The following LOXHD1 variants were observed in gnomAD, a reference collection of about 807,000 sequenced individuals.
LOXHD1 encodes lipoxygenase homology PLAT domains 1.
LOXHD1 carries 205 observed loss-of-function variants against 248.2 expected under a neutral mutation model. That is an observed-to-expected ratio of 0.83 (90% CI 0.74 to 0.93). LOXHD1 has a LOEUF of 0.93. LOXHD1 is among the 40% of genes least tolerant of loss of function. The probability of loss-of-function intolerance (pLI) is 0.00; values close to 1 mark genes in which losing one functional copy is unlikely to be tolerated. For missense variants in LOXHD1, 2,930 were observed against 2,971.6 expected (o/e 0.99, Z 0.33); for synonymous variants, 1,113 against 1,162.8 (o/e 0.96, Z 0.87).
At chr18:46,564,786 T>A (rs2144048395) in intron 17 of LOXHD1, among the ~76,000 whole-genome samples, 1 of 152,278 alleles carries the variant, frequency 6.6e-6, no homozygotes, top group Admixed American at 6.5e-5. Context: ...GCAAGTGCCA[T>A]TACAAAGCGT....
intron 34 of LOXHD1, among the ~76,000 whole-genome samples, chr18:46,516,802 A>T (rs1033757102): frequency 6.6e-6 from 1 of 151,856 alleles, no homozygotes; most frequent in Admixed American, 6.6e-5. Context: ...CTTCACCCCT[A>T]TTACCACCAC....
rs376185181 is a variant in LOXHD1, at chr18:46,509,453, G to C, written c.5517+245C>G. The C allele has an allele frequency of 9.6e-6, 5 of 522,978 alleles. No individual in the cohort carries two copies. In the East Asian group the frequency reaches 1.4e-4, roughly 15 times the overall value. The allele number at this position is 522,978 out of a possible 1,614,324, so 32.4% of individuals were successfully genotyped here. ...TCCCCTTTCTCAGGTCTCTGTCCACGTAACGTTGACAGCTCTTGTTTAATT... is the reference window on the plus strand; with the variant it reads ...TCCCCTTTCTCAGGTCTCTGTCCACCTAACGTTGACAGCTCTTGTTTAATT... On this transcript the variant is annotated intron_variant, in intron 35 of 40. Coordinates refer to ENST00000642948, the MANE Select transcript of LOXHD1 (RefSeq NM_001384474.1).
intron 12 of LOXHD1, among the ~76,000 whole-genome samples, chr18:46,586,377 C>T (rs958920384): frequency 7.2e-5 from 11 of 152,278 alleles, no homozygotes; most frequent in African/African-American, 2.6e-4. Context: ...TTGACTTGTA[C>T]ACTTTAAATG....
chr18:46,560,320 T>C lies in LOXHD1; in HGVS notation c.2824A>G (p.Lys942Glu). 1 of 1,547,334 alleles carries C rather than the reference T, an allele frequency of 6.5e-7. No homozygotes were observed. The highest frequency in any genetic ancestry group is 2.5e-5 in the East Asian group (1 of 40,800). Reference sequence around the variant, plus strand: ...TCCTCTTCGTCGCTGCCCTTCCTCTTCTTCTTCTTCCTCTGCAGCTTGGCC... The same window carrying C: ...TCCTCTTCGTCGCTGCCCTTCCTCTCCTTCTTCTTCCTCTGCAGCTTGGCC... ...LKAKLQRKKK[K>E]RKGSDEEDEG... Residue 942 changes from lysine to glutamate, a missense_variant, in exon 19 of 41, where the codon AAG becomes GAG. Lys to Glu is a moderately conservative substitution (Grantham distance 56). Coordinates refer to ENST00000642948, the MANE Select transcript of LOXHD1 (RefSeq NM_001384474.1).
chr18:46,600,954 G>A (rs1199582435), intron 8 of LOXHD1, among the ~76,000 whole-genome samples: 1 of 152,134 alleles, frequency 6.6e-6, no homozygotes, highest in Non-Finnish European at 1.5e-5. Flanking sequence ...CAGGAATCAG[G>A]ATAATCATAA....
intron 5 of LOXHD1, among the ~76,000 whole-genome samples, chr18:46,616,554 AT>A (rs1222994749): frequency 2.0e-5 from 3 of 152,050 alleles, no homozygotes; most frequent in Non-Finnish European, 4.4e-5. Flanking sequence ...ATAGTTATCC[AT>A]TTTTGCTCAC....
chr18:46,514,829 C>A (rs1052331790), intron 34 of LOXHD1, among the ~76,000 whole-genome samples: 1 of 152,186 alleles, frequency 6.6e-6, no homozygotes, highest in African/African-American at 2.4e-5. Flanking sequence ...AGGCATGACC[C>A]CTCATAGGCA....
At chr18:46,485,942 C>T (rs1260411749) in intron 38 of LOXHD1, among the ~76,000 whole-genome samples, 1 of 151,924 alleles carries the variant, frequency 6.6e-6, no homozygotes, top group Non-Finnish European at 1.5e-5. Context: ...GCAATGCTGT[C>T]CTTCTGCCTG....
At chr18:46,559,003 C>T in intron 20 of LOXHD1, 1 of 563,906 alleles carries the variant, frequency 1.8e-6, no homozygotes, top group Non-Finnish European at 3.0e-6. Context: ...ACCTCCATAT[C>T]TTTGCTCATG....
Position 46,601,324 on chromosome 18 carries a change from G to A in LOXHD1, c.1027C>T (p.Arg343Cys), listed in dbSNP as rs1294424921. 8 of 1,551,526 alleles carry A rather than the reference G, an allele frequency of 5.2e-6. No individual in the cohort carries two copies. The highest frequency in any genetic ancestry group is 2.4e-5 in the East Asian group (1 of 40,926). Reference protein sequence around the residue: ...FLEGGVFDRGRTDIFHIELAV... With the variant: ...FLEGGVFDRGCTDIFHIELAV... Reference sequence around the variant, plus strand: ...AGCTCGATGTGGAAGATGTCCGTGCGGCCTCGGTCAAACACGCCGCCCTCC... The same window carrying A: ...AGCTCGATGTGGAAGATGTCCGTGCAGCCTCGGTCAAACACGCCGCCCTCC... Residue 343 changes from arginine to cysteine, a missense_variant, in exon 8 of 41, where the codon CGC becomes TGC. Transcript: ENST00000642948.
At chr18:46,510,369 T>C (rs1380760542) in intron 34 of LOXHD1, among the ~76,000 whole-genome samples, 1 of 152,246 alleles carries the variant, frequency 6.6e-6, no homozygotes, top group Non-Finnish European at 1.5e-5. Context: ...AATTGGGTAA[T>C]GCTACTGCCA....
chr18:46,558,153 A>T, intron 20 of LOXHD1: 1 of 750,922 alleles, frequency 1.3e-6, no homozygotes, highest in Non-Finnish European at 1.6e-6. Flanking sequence ...TAGTATGATG[A>T]AAGTTCATAT....
Position 46,618,205 on chromosome 18 carries a change from C to G in LOXHD1, c.597G>C (p.Glu199Asp). ...CAAACCCATTACCTGTGTCTCCATA[C>G]TCTCCAAAAATATTGATGAAGACAT... ...DADVFINIFG[E>D]YGDTGERRLE... Residue 199 changes from glutamate (E) to aspartate (D), a missense_variant, in exon 5 of 41, where the codon GAG becomes GAC. Physicochemically the swap from Glu to Asp is conservative, Grantham distance 45. Coordinates refer to ENST00000642948, the MANE Select transcript of LOXHD1 (RefSeq NM_001384474.1). 2 of 1,550,950 alleles carry G rather than the reference C, an allele frequency of 1.3e-6. No individual in the cohort carries two copies. The highest frequency in any genetic ancestry group is 8.7e-7 in the Non-Finnish European group (1 of 1,146,348).
rs1432206426 is a variant in LOXHD1, at chr18:46,579,702, A to G, written c.1737T>C (p.Gly579=). 1.9e-6 allele frequency: 3 copies of G among 1,551,538 alleles called. No individual in the cohort carries two copies. The part of the protein sequence containing the change: ...TDANVYLCLF[G]DVGDTGERLL... ...GCCGTTCCCCCGTGTCCCCCACATCACCAAAAAGGCAGAGATAGACGTTGG... is the reference window on the plus strand; with the variant it reads ...GCCGTTCCCCCGTGTCCCCCACATCGCCAAAAAGGCAGAGATAGACGTTGG... Residue 579 remains glycine (G), a synonymous_variant, in exon 13 of 41, where the codon GGT becomes GGC. Transcript: ENST00000642948.
rs1422129718 is a variant in LOXHD1, at chr18:46,557,423, TGTC to T, written c.3280_3282del (p.Asp1094del). Reference sequence around the variant, plus strand: ...AACCAGCCTGCTCTGTTGCCTGTGTTGTCGTGGCGAATCCGAATCTTGGTCAGG... The same window carrying T: ...AACCAGCCTGCTCTGTTGCCTGTGTTGTGGCGAATCCGAATCTTGGTCAGG... On this transcript the variant is annotated inframe_deletion, in exon 21 of 41. Coordinates refer to ENST00000642948, the MANE Select transcript of LOXHD1 (RefSeq NM_001384474.1). The T allele has an allele frequency of 4.5e-6, 7 of 1,552,130 alleles. No homozygotes were observed. In the African/African-American group the frequency reaches 8.2e-5, roughly 18 times the overall value.
Position 46,560,202 on chromosome 18 carries a change from G to C in LOXHD1, c.2942C>G (p.Pro981Arg). The change falls in exon 19 of 41, where the codon CCG becomes CGG. Residue 981 changes from proline (P) to arginine (R), a missense_variant. By Grantham distance (103) the Pro-to-Arg change is moderately radical. Coordinates refer to ENST00000642948, the MANE Select transcript of LOXHD1 (RefSeq NM_001384474.1). ...CTGCTCAATCACCTCCTGCATCCCC[G>C]GCCCAAACTCCTCCTCTTCCTCCTC... ...EEEEEEEEFG[P>R]GMQEVIEQHK... is the part of the protein sequence containing the mutation. 6.4e-7 allele frequency: 1 copy of C among 1,551,672 alleles called. No individual in the cohort carries two copies. Among genetic ancestry groups the C allele is most frequent in the Non-Finnish European group, 8.7e-7 (1 of 1,147,010 alleles).
rs1193219831 is a variant in LOXHD1 at position 46,505,998 on chromosome 18, G to A, written c.5718C>T (p.Phe1906=). 6.4e-7 allele frequency: 1 copy of A among 1,552,262 alleles called. No individual in the cohort carries two copies. Among genetic ancestry groups the A allele is most frequent in the Admixed American group, 2.0e-5 (1 of 51,008 alleles). ...ILGAGTDANV[F]IIIFGENGDS... ...CCCCGTTCTCCCCGAAGATGATGAT[G>A]AACACGTTGGCATCAGTGCCTGCTC... Residue 1906 remains phenylalanine (F), a synonymous_variant, in exon 37 of 41, where the codon TTC becomes TTT. Transcript: ENST00000642948.
Position 46,495,947 on chromosome 18 carries a change from G to A in LOXHD1, c.5879-6805C>T, listed in dbSNP as rs146300318. 6.4e-3 allele frequency among the ~76,000 whole-genome samples: 976 copies of A among 152,230 alleles called. 3 individuals carry two copies. Among genetic ancestry groups the A allele is most frequent in the African/African-American group, 0.022 (933 of 41,522 alleles). On this transcript the variant is annotated intron_variant, in intron 37 of 40. Transcript: ENST00000642948. Reference sequence around the variant, plus strand: ...CTCAGGAGGCTAAGGCAGGAGAATCGCTTGAACCTGGGAGGCGGAGGTTGC... The same window carrying A: ...CTCAGGAGGCTAAGGCAGGAGAATCACTTGAACCTGGGAGGCGGAGGTTGC...
chr18:46,483,662 T>C lies in LOXHD1; in HGVS notation c.6266A>G (p.Asp2089Gly). The change falls in exon 40 of 41, where the codon GAC (aspartate) becomes GGC (glycine). Residue 2089 changes from aspartate to glycine, a missense_variant. Asp to Gly is a moderately conservative substitution (Grantham distance 94, BLOSUM62 -1). Coordinates refer to ENST00000642948, the MANE Select transcript of LOXHD1 (RefSeq NM_001384474.1). ...SLCVGHLARE[D>G]RFIPKRELAW... ...AAGTTCTCTCTTGGGGATAAACCGG[T>C]CTTCCCTGGCAAGGTGGCCCACACA... 6.4e-7 allele frequency: 1 copy of C among 1,551,678 alleles called. No homozygotes were observed. The highest frequency in any genetic ancestry group is 1.2e-5 in the South Asian group (1 of 84,036).
Sources: gnomAD v4.1 joint callset for allele counts (sites outside exome capture counted in the v4.1 genomes callset) on GRCh38, gnomAD v4.1.1 for gene constraint, MANE v1.5 for transcripts, NCBI Gene and HGNC (gene_info 2026-07-23, HGNC 2026-07-21) for gene names.